STAB1: variants seen among roughly 807,000 people sequenced by gnomAD.
The protein encoded by STAB1 is stabilin 1.
In STAB1, 250 loss-of-function variants were observed where a neutral mutation model predicts 332.4. That is an observed-to-expected ratio of 0.75 (90% confidence interval 0.68 to 0.84). STAB1 has a LOEUF of 0.84. Ranked by LOEUF, STAB1 falls within the 40% of genes least tolerant of loss-of-function variation. The pLI, the probability that STAB1 is intolerant of heterozygous loss-of-function variation, is 0.00. For missense variants in STAB1, 3,249 were observed against 3,489.7 expected (o/e 0.93, Z 1.74); for synonymous variants, 1,475 against 1,390.4 (o/e 1.06, Z -1.35).
intron 46 of STAB1, 47 bp from the exon 47 acceptor site, chr3:52,518,489 G>GC (rs765762737): frequency 6.5e-5 from 101 of 1,562,472 alleles, no homozygotes; most frequent in Non-Finnish European, 8.5e-5. Context: ...ATCCATGGAC[G>GC]CCTCAGGCTT....
In STAB1 at chr3:52,502,108, G is replaced by C. The variant is rs1476295656; in HGVS notation, c.417+17G>C. The C allele has an allele frequency of 3.7e-6, 6 of 1,613,570 alleles. No homozygotes were observed. Among genetic ancestry groups the C allele is most frequent in the Non-Finnish European group, 5.1e-6 (6 of 1,180,016 alleles). ...GTGTGCCAGGTAAGGGCTGGGCAAG[G>C]TGGGGTGGAGGCTCAGAGGGGCCAC... On this transcript the variant is annotated intron_variant, in intron 4 of 68. Coordinates refer to ENST00000321725, the MANE Select transcript of STAB1 (RefSeq NM_015136.3).
At chr3:52,507,789 G>C (rs1708985893) in intron 19 of STAB1, 114 bp downstream of exon 19, 4 of 1,486,290 alleles carry the variant, frequency 2.7e-6, no homozygotes, top group African/African-American at 1.4e-5. Context: ...ATCACACCTG[G>C]AGGCTAAGTG....
At position 52,519,526 on chromosome 3, in the gene STAB1, C is replaced by T. The variant is rs1042799954; in HGVS notation, c.5197C>T (p.Gln1733Ter). ...TCAGAGAAATGTCACCGCCGCCGCCCAGGGCTTCGGTTACAAGATCTTCAG... is the reference window on the plus strand; with the variant it reads ...TCAGAGAAATGTCACCGCCGCCGCCTAGGGCTTCGGTTACAAGATCTTCAG... ...IPRRNVTAAA[Q>*]GFGYKIFSGL... The change falls in exon 50 of 69, where the codon CAG becomes TAG. Residue 1733 changes from glutamine (Q) to a stop codon, truncating the protein, a stop_gained. Transcript: ENST00000321725. LOFTEE classifies it high-confidence loss of function. 2.5e-6 allele frequency: 4 copies of T among 1,613,352 alleles called. No homozygotes were observed. The highest frequency in any genetic ancestry group is 2.5e-6 in the Non-Finnish European group (3 of 1,180,010).
chr3:52,501,220 A>T lies in STAB1; in HGVS notation c.133A>T (p.Thr45Ser), dbSNP rs1184098632. Residue 45 changes from threonine (T) to serine (S), a missense_variant, in exon 2 of 69, where the codon ACC becomes TCC. Transcript: ENST00000321725. ...KTTFVTHVPC[T>S]SCAAIKKQTC... ...CACGTTTGTCACTCATGTACCCTGC[A>T]CCTCGTGCGCGGCCATCAAGAAGCA... 19 of 1,613,580 alleles carry T rather than the reference A, an allele frequency of 1.2e-5. No homozygotes were observed. Among genetic ancestry groups the T allele is most frequent in the Non-Finnish European group, 1.5e-5 (18 of 1,180,008 alleles).
intron 35 of STAB1, 76 bp from the exon 36 acceptor site, chr3:52,514,913 C>T: frequency 1.2e-6 from 2 of 1,612,178 alleles, no homozygotes; most frequent in Non-Finnish European, 1.7e-6. Context: ...GGGAGGGGCG[C>T]ATGGTCAGTC....
At chr3:52,518,901 T>TGG in intron 48 of STAB1, 32 bp downstream of exon 48, 1 of 1,017,596 alleles carries the variant, frequency 9.8e-7, no homozygotes, top group Non-Finnish European at 1.3e-6. Flanking sequence ...CCCCGCTCCA[T>TGG]CCCGCCCCGC....
At position 52,516,988 on chromosome 3, in the gene STAB1, G is replaced by A; in HGVS notation, c.4368G>A (p.Val1456=). 1 of 1,610,362 alleles carries A rather than the reference G, an allele frequency of 6.2e-7. No homozygotes were observed. The highest frequency in any genetic ancestry group is 8.5e-7 in the Non-Finnish European group (1 of 1,179,136). Residue 1456 remains valine (V), a synonymous_variant, in exon 42 of 69, where the codon GTG becomes GTA. Transcript: ENST00000321725. ...YSGNGIFCSE[V]DPCAHGHGGC... The stretch of plus-strand genomic sequence containing the variant: ...TCTCTGGCCATCTCCCCTTAGAGGT[G>A]GACCCCTGCGCCCACGGCCATGGGG...
chr3:52,521,094 G>C, intron 55 of STAB1, 89 bp downstream of exon 55: 10 of 1,411,474 alleles, frequency 7.1e-6, no homozygotes, highest in Non-Finnish European at 9.4e-6. Flanking sequence ...GAGAGTGTTG[G>C]GGCGTCCAGG....
rs780746524 is a variant in STAB1, at chr3:52,495,419, G to A, written c.6G>A (p.Ala2=). 4.5e-6 allele frequency: 6 copies of A among 1,338,486 alleles called. No individual in the cohort carries two copies. Among genetic ancestry groups the A allele is most frequent in the African/African-American group, 3.0e-5 (2 of 66,580 alleles). The allele number at this position is 1,338,486 out of a possible 1,614,324, so 82.9% of individuals were successfully genotyped here. A position where few individuals can be genotyped will look rare whatever the true frequency, so the allele number is the denominator to read the frequency against. The change falls in exon 1 of 69, where the codon GCG becomes GCA. Residue 2 remains alanine (A), a synonymous_variant. Coordinates refer to ENST00000321725, the MANE Select transcript of STAB1 (RefSeq NM_015136.3). The part of the protein sequence containing the change: M[A]GPRGLLPLCL... ...GGACAGCGTGCCCACCAGCCATGGC[G>A]GGGCCCCGGGGCCTCCTCCCACTCT...
chr3:52,518,976 A>G, intron 48 of STAB1, 107 bp downstream of exon 48: 1 of 1,299,862 alleles, frequency 7.7e-7, no homozygotes, highest in Non-Finnish European at 1.0e-6. Context: ...CACCTCCCCT[A>G]GCCAGGGGGC....
Position 52,505,005 on chromosome 3 carries a change from A to C in STAB1, c.1380A>C (p.Lys460Asn), listed in dbSNP as rs1708740693. The C allele has an allele frequency of 6.2e-7, 1 of 1,613,582 alleles. No individual in the cohort carries two copies. ...CCAGACCTCTTGTGTCTCACCAGAA[A>C]TACTCCTACAAGTACAAAGACCAGC... ...EITVTFNQFT[K>N]YSYKYKDQPQ... Residue 460 changes from lysine to asparagine, a missense_variant and splice_region_variant, in exon 13 of 69, where the codon AAA (lysine) becomes AAC (asparagine). Coordinates refer to ENST00000321725, the MANE Select transcript of STAB1 (RefSeq NM_015136.3).
At position 52,523,285 on chromosome 3, in the gene STAB1, G is replaced by A; in HGVS notation, c.7084G>A (p.Glu2362Lys). ...GLDFLDFLDDELTYKTLFVPV... is the reference protein window; with the variant it reads ...GLDFLDFLDDKLTYKTLFVPV... ...CGACTTCCTGGACTTCCTGGATGATGAGCTCACGTATAAGACACTCTTCGT... is the reference window on the plus strand; with the variant it reads ...CGACTTCCTGGACTTCCTGGATGATAAGCTCACGTATAAGACACTCTTCGT... Residue 2362 changes from glutamate (E) to lysine (K), a missense_variant, in exon 64 of 69, where the codon GAG becomes AAG. By Grantham distance (56) the Glu-to-Lys change is moderately conservative (BLOSUM62 1). Transcript: ENST00000321725. The A allele has an allele frequency of 6.2e-7, 1 of 1,613,036 alleles. No individual in the cohort carries two copies. Among genetic ancestry groups the A allele is most frequent in the Non-Finnish European group, 8.5e-7 (1 of 1,180,006 alleles).
intron 53 of STAB1, 23 bp downstream of exon 53, chr3:52,520,572 G>A (rs1661223635): frequency 5.0e-6 from 8 of 1,610,452 alleles, no homozygotes; most frequent in African/African-American, 1.3e-5. Context: ...AGAGGCAGAC[G>A]GGCAGAAGCC....
At chr3:52,499,127 A>G (rs565751486) in intron 1 of STAB1, among the ~76,000 whole-genome samples, 1 of 152,320 alleles carries the variant, frequency 6.6e-6, no homozygotes, top group Admixed American at 6.5e-5. Flanking sequence ...TGTGGTCAGC[A>G]TTTTTCAAGA....
Position 52,522,846 on chromosome 3 carries a change from G to T in STAB1, c.6816G>T (p.Val2272=). ...CTGCCCACCCTGTGGTTTTCCCTGT[G>T]GCGGACTGTGGCAATGGTCGGGTGG... ...GSTAHPVVFP[V]ADCGNGRVGI... The change falls in exon 62 of 69, where the codon GTG becomes GTT. Residue 2272 remains valine, a synonymous_variant. Transcript: ENST00000321725. 6.2e-7 allele frequency: 1 copy of T among 1,613,316 alleles called. No homozygotes were observed. The highest frequency in any genetic ancestry group is 1.1e-5 in the South Asian group (1 of 91,086).
chr3:52,509,741 T>G (rs1709151586), intron 22 of STAB1, 129 bp from the exon 23 acceptor site: 1 of 955,126 alleles, frequency 1.0e-6, no homozygotes, highest in Admixed American at 2.4e-5. Context: ...AGATAACCTC[T>G]GATTTTTCCA....
chr3:52,519,919 C>A, intron 50 of STAB1, 25 bp from the exon 51 acceptor site: 1 of 1,550,180 alleles, frequency 6.5e-7, no homozygotes. Context: ...GCAGCGACTG[C>A]CACATCTTTG....
Position 52,522,705 on chromosome 3 carries a change from A to G in STAB1, c.6744+17A>G, listed in dbSNP as rs2079115295. On this transcript the variant is annotated intron_variant, in intron 61 of 68. Coordinates refer to ENST00000321725, the MANE Select transcript of STAB1 (RefSeq NM_015136.3). ...GCCCAGCAGGTGTGTGGGGCCCAGA[A>G]GTTGGGGCCAAGTGTTGGGGGAGGC... 6.2e-7 allele frequency: 1 copy of G among 1,612,616 alleles called. No homozygotes were observed. The highest frequency in any genetic ancestry group is 8.5e-7 in the Non-Finnish European group (1 of 1,179,908).
At chr3:52,513,370 C>A in intron 30 of STAB1, 129 bp downstream of exon 30, 2 of 911,182 alleles carry the variant, frequency 2.2e-6, no homozygotes, top group Non-Finnish European at 3.3e-6. Flanking sequence ...TGCCCAGAGC[C>A]GGGCTCAAAG....
Sources: gnomAD v4.1 joint callset for allele counts (sites outside exome capture counted in the v4.1 genomes callset) on GRCh38, gnomAD v4.1.1 for gene constraint, MANE v1.5 for transcripts, NCBI Gene and HGNC (gene_info 2026-07-23, HGNC 2026-07-21) for gene names.